Variants in UVRAG observed in about 807,000 individuals in gnomAD.
UVRAG encodes UV radiation resistance-associated gene protein.
In UVRAG, 19 loss-of-function variants were observed where a neutral mutation model predicts 78.0. The observed-to-expected ratio is 0.24, with a 90% CI of 0.17 to 0.36. The LOEUF is 0.36. Ranked by LOEUF, UVRAG falls within the 10% of genes least tolerant of loss-of-function variation. The pLI is 1.00. For missense variants in UVRAG, 740 were observed against 853.8 expected, an observed-to-expected ratio of 0.87 and a Z score of 1.66; for synonymous variants, 323 against 324.6, an observed-to-expected ratio of 1.00 and a Z score of 0.05.
chr11:75,982,650 G>A (rs780751831), intron 7 of UVRAG, among the ~76,000 whole-genome samples: 11 of 152,162 alleles, frequency 7.2e-5, no homozygotes, highest in African/African-American at 1.9e-4. Context: ...TCTTTGAAAC[G>A]GGCAGGGGGG....
At chr11:76,020,292 CAG>C (rs1170829871) in intron 12 of UVRAG, among the ~76,000 whole-genome samples, 3 of 152,084 alleles carry the variant, frequency 2.0e-5, no homozygotes, top group Non-Finnish European at 4.4e-5. Context: ...GGCCTGGAAT[CAG>C]GGACCCCAAA....
intron 5 of UVRAG, among the ~76,000 whole-genome samples, chr11:75,910,005 A>G (rs186679479): frequency 6.6e-6 from 1 of 152,292 alleles, no homozygotes; most frequent in Admixed American, 6.5e-5. Flanking sequence ...ATTCATCAGT[A>G]AGACCATTTG....
chr11:76,068,212 G>A (rs1460439494), intron 13 of UVRAG, among the ~76,000 whole-genome samples: 4 of 152,188 alleles, frequency 2.6e-5, no homozygotes, highest in Non-Finnish European at 5.9e-5. Flanking sequence ...AGACCAAGAT[G>A]GAGGCTATGT....
At chr11:75,871,741 A>G (rs1018691173) in intron 3 of UVRAG, among the ~76,000 whole-genome samples, 1 of 152,174 alleles carries the variant, frequency 6.6e-6, no homozygotes, top group Non-Finnish European at 1.5e-5. Context: ...GTTGTAGGTT[A>G]TGTTCAGCTT....
chr11:76,048,747 T>C (rs184467441), intron 12 of UVRAG, among the ~76,000 whole-genome samples: 1 of 152,224 alleles, frequency 6.6e-6, no homozygotes, highest in African/African-American at 2.4e-5. Context: ...AGCTAACTTA[T>C]GTGTGTAATT....
At chr11:76,078,950 G>T (rs1951450506) in intron 13 of UVRAG, among the ~76,000 whole-genome samples, 1 of 151,358 alleles carries the variant, frequency 6.6e-6, no homozygotes, top group South Asian at 2.1e-4. Context: ...AAATTTCAGG[G>T]TTATATTCCA....
intron 2 of UVRAG, among the ~76,000 whole-genome samples, chr11:75,856,293 G>A (rs775589446): frequency 3.9e-5 from 6 of 152,220 alleles, no homozygotes; most frequent in South Asian, 4.2e-4. Context: ...GTGAGCCACC[G>A]TGCCCGGCCC....
chr11:76,007,119 CCTT>C (rs1332700918), intron 9 of UVRAG, among the ~76,000 whole-genome samples: 1 of 152,050 alleles, frequency 6.6e-6, no homozygotes, highest in African/African-American at 2.4e-5. Context: ...CCCCAGCAGT[CCTT>C]CTACATCAGC....
chr11:75,850,239 T>A (rs965755022), intron 1 of UVRAG, among the ~76,000 whole-genome samples: 3 of 152,218 alleles, frequency 2.0e-5, no homozygotes, highest in African/African-American at 7.2e-5. Flanking sequence ...TTAGATTTAG[T>A]TCTAGGGTTG....
At chr11:76,028,684 A>G (rs953121725) in intron 12 of UVRAG, among the ~76,000 whole-genome samples, 7 of 152,188 alleles carry the variant, frequency 4.6e-5, no homozygotes, top group Non-Finnish European at 8.8e-5. Flanking sequence ...GCAACGACCT[A>G]ACTTTCTTCA....
intron 14 of UVRAG, among the ~76,000 whole-genome samples, chr11:76,127,651 A>AT (rs1407862095): frequency 6.8e-6 from 1 of 146,322 alleles, no homozygotes; most frequent in Non-Finnish European, 1.5e-5. Context: ...AAAAAAAAAA[A>AT]TGAATGAATG....
At chr11:75,842,663 A>T (rs1328598762) in intron 1 of UVRAG, among the ~76,000 whole-genome samples, 1 of 151,894 alleles carries the variant, frequency 6.6e-6, no homozygotes, top group Non-Finnish European at 1.5e-5. Flanking sequence ...GCTGGTCTTG[A>T]ACTCCTGACC....
At chr11:76,060,462 G>A (rs182863005) in intron 12 of UVRAG, among the ~76,000 whole-genome samples, 106 of 152,362 alleles carry the variant, frequency 7.0e-4, no homozygotes, top group African/African-American at 2.4e-3. Flanking sequence ...CCACTTTGGC[G>A]GCACTTGAGG....
At chr11:76,137,560 T>C (rs565074303) in intron 14 of UVRAG, 4 of 421,730 alleles carry the variant, frequency 9.5e-6, no homozygotes, top group South Asian at 5.2e-5. Flanking sequence ...TGTAGACTTC[T>C]TTATTATCTC....
intron 2 of UVRAG, among the ~76,000 whole-genome samples, chr11:75,854,007 A>G (rs185772971): frequency 5.5e-4 from 84 of 151,744 alleles, no homozygotes; most frequent in Non-Finnish European, 9.6e-4. Context: ...TCCTGACCTC[A>G]GGTGATCCCA....
chr11:75,980,682 ATT>A (rs35190339), intron 7 of UVRAG, among the ~76,000 whole-genome samples: 6 of 139,112 alleles, frequency 4.3e-5, no homozygotes, highest in Non-Finnish European at 1.6e-5. Context: ...TCTGGCTAGA[ATT>A]TTTTTTTTTT....
chr11:76,030,596 A>G (rs1395939374), intron 12 of UVRAG, among the ~76,000 whole-genome samples: 1 of 152,086 alleles, frequency 6.6e-6, no homozygotes, highest in Non-Finnish European at 1.5e-5. Context: ...CCAGTTCGTA[A>G]CCTATGCTTC....
At chr11:76,086,060 C>T (rs2134418526) in intron 13 of UVRAG, among the ~76,000 whole-genome samples, 1 of 152,290 alleles carries the variant, frequency 6.6e-6, no homozygotes, top group South Asian at 2.1e-4. Context: ...AGATAGCTGA[C>T]TAACTGAAGG....
chr11:76,000,718 T>C (rs77253505), intron 8 of UVRAG, among the ~76,000 whole-genome samples: 142 of 152,286 alleles, frequency 9.3e-4, no homozygotes, highest in African/African-American at 3.3e-3. Context: ...CTGTAGTGTC[T>C]ATATTAATAT....
Sources: gnomAD v4.1 joint callset for allele counts (sites outside exome capture counted in the v4.1 genomes callset) on GRCh38, gnomAD v4.1.1 for gene constraint, MANE v1.5 for transcripts, NCBI Gene and HGNC (gene_info 2026-07-23, HGNC 2026-07-21) for gene names.